The following EVA1A variants were observed in gnomAD, a reference collection of about 807,000 sequenced individuals.
EVA1A encodes protein eva-1 homolog A.
A neutral mutation model predicts 9.8 loss-of-function variants in EVA1A; 7 were observed. The observed-to-expected ratio is 0.71, with a 90% CI of 0.41 to 1.34. The LOEUF is 1.34. EVA1A is among the 40% of genes most tolerant of loss of function. The pLI, the probability that EVA1A is intolerant of heterozygous loss-of-function variation, is 0.01. For synonymous variants in EVA1A, 90 were observed against 85.6 expected, an observed-to-expected ratio of 1.05 and a Z score of -0.28; for missense variants, 206 against 205.9, an observed-to-expected ratio of 1.00 and a Z score of 0.00.
At chr2:75,523,579 G>T (rs544340738) in intron 1 of EVA1A, among the ~76,000 whole-genome samples, 1 of 152,184 alleles carries the variant, frequency 6.6e-6, no homozygotes, top group African/African-American at 2.4e-5. Context: ...TAACATGCCA[G>T]CCTGCCAGCC....
At chr2:75,567,151 A>G (rs1677044571) in intron 1 of EVA1A, among the ~76,000 whole-genome samples, 1 of 152,220 alleles carries the variant, frequency 6.6e-6, no homozygotes, top group Admixed American at 6.5e-5. Flanking sequence ...CAATAAGATA[A>G]ATATTTTTAA....
chr2:75,493,311 C>G lies in EVA1A; in HGVS notation c.384G>C (p.Glu128Asp). The part of the protein sequence containing the change: ...LERAQRLEER[E>D]RIIREIWMNG... ...TCATCCAGATCTCCCTGATGATGCGCTCGCGCTCCTCCAGCCGCTGGGCGC... is the reference window on the plus strand; with the variant it reads ...TCATCCAGATCTCCCTGATGATGCGGTCGCGCTCCTCCAGCCGCTGGGCGC... The change falls in exon 4 of 4, where the codon GAG (glutamate) becomes GAC (aspartate). Residue 128 changes from glutamate (E) to aspartate (D), a missense_variant. Glu to Asp is a conservative substitution (Grantham distance 45). Coordinates refer to ENST00000393913, the MANE Select transcript of EVA1A (RefSeq NM_001135032.2). 1 of 1,614,094 alleles carries G rather than the reference C, an allele frequency of 6.2e-7. No homozygotes were observed. The highest frequency in any genetic ancestry group is 8.5e-7 in the Non-Finnish European group (1 of 1,179,976).
At chr2:75,493,717 G>A in intron 3 of EVA1A, 108 bp from the exon 4 acceptor site, 1 of 1,032,940 alleles carries the variant, frequency 9.7e-7, no homozygotes, top group Non-Finnish European at 1.4e-6. Context: ...AAGTTTTGAT[G>A]GTTACAAATA....
chr2:75,560,404 G>A (rs1002193116), intron 1 of EVA1A, among the ~76,000 whole-genome samples: 1 of 152,158 alleles, frequency 6.6e-6, no homozygotes, highest in Non-Finnish European at 1.5e-5. Context: ...CAGAGGCAGG[G>A]AGTTGAGAGT....
chr2:75,526,070 G>T (rs1251093408), intron 1 of EVA1A: 2 of 152,148 alleles, frequency 1.3e-5, no homozygotes, highest in African/African-American at 4.8e-5. Context: ...CAGCTACTAA[G>T]GAATTGAGAA....
chr2:75,559,697 T>TGGGGGGGGGGGGGGGGGGGG (rs36059976), intron 1 of EVA1A, among the ~76,000 whole-genome samples: 1 of 78,776 alleles, frequency 1.3e-5, no homozygotes, highest in Non-Finnish European at 2.3e-5. Flanking sequence ...AGAAAGGAGG[T>TGGGGGGGGGGGGGGGGGGGG]GGGGGGGGGG....
chr2:75,539,743 T>A (rs187191132), intron 1 of EVA1A, among the ~76,000 whole-genome samples: 7 of 152,276 alleles, frequency 4.6e-5, no homozygotes, highest in East Asian at 1.9e-4. Flanking sequence ...AATTAAAAAA[T>A]TTTTAAAAAT....
intron 1 of EVA1A, among the ~76,000 whole-genome samples, chr2:75,536,817 C>T (rs1464732299): frequency 6.6e-6 from 1 of 152,116 alleles, no homozygotes; most frequent in East Asian, 1.9e-4. Context: ...TTTTAACCCC[C>T]CCGCTCCAAA....
At chr2:75,538,320 A>T (rs1675991666) in intron 1 of EVA1A, among the ~76,000 whole-genome samples, 1 of 152,184 alleles carries the variant, frequency 6.6e-6, no homozygotes, top group African/African-American at 2.4e-5. Context: ...AAATAAAATA[A>T]AACTAGTGAG....
At chr2:75,539,873 G>A (rs1030148957) in intron 1 of EVA1A, among the ~76,000 whole-genome samples, 1 of 152,178 alleles carries the variant, frequency 6.6e-6, no homozygotes, top group African/African-American at 2.4e-5. Context: ...GGTAATTGAA[G>A]GCATAAAGGT....
At chr2:75,497,462 C>T (rs1418752278) in intron 3 of EVA1A, among the ~76,000 whole-genome samples, 1 of 152,048 alleles carries the variant, frequency 6.6e-6, no homozygotes, top group Non-Finnish European at 1.5e-5. Flanking sequence ...AAATCATGAT[C>T]AAAATCAAAA....
At chr2:75,513,959 T>A (rs1339264505) in intron 3 of EVA1A, among the ~76,000 whole-genome samples, 1 of 152,154 alleles carries the variant, frequency 6.6e-6, no homozygotes, top group Non-Finnish European at 1.5e-5. Flanking sequence ...CCACACAAAA[T>A]TGTTTGGATT....
At chr2:75,520,831 TA>T (rs202046295) in intron 2 of EVA1A, among the ~76,000 whole-genome samples, 8 of 148,918 alleles carry the variant, frequency 5.4e-5, no homozygotes, top group African/African-American at 1.2e-4. Context: ...GCAACAAAAG[TA>T]AAAAAAAAGA....
At chr2:75,496,451 A>T (rs1246316586) in intron 3 of EVA1A, among the ~76,000 whole-genome samples, 1 of 152,196 alleles carries the variant, frequency 6.6e-6, no homozygotes. Flanking sequence ...AAAATAATAA[A>T]ATACCTAAAA....
chr2:75,519,370 G>A (rs1453344398), intron 2 of EVA1A, among the ~76,000 whole-genome samples: 1 of 152,206 alleles, frequency 6.6e-6, no homozygotes, highest in Non-Finnish European at 1.5e-5. Flanking sequence ...TAGAAGGCCT[G>A]GAGAGCGGCA....
chr2:75,566,886 A>G (rs1244242051), intron 1 of EVA1A, among the ~76,000 whole-genome samples: 1 of 152,090 alleles, frequency 6.6e-6, no homozygotes, highest in Non-Finnish European at 1.5e-5. Context: ...TCTCATGCCC[A>G]GGCTGACACC....
chr2:75,551,827 A>G (rs1429339425), intron 1 of EVA1A, among the ~76,000 whole-genome samples: 1 of 152,134 alleles, frequency 6.6e-6, no homozygotes, highest in African/African-American at 2.4e-5. Flanking sequence ...TCCTCTTCCC[A>G]TACTCCATAA....
intron 3 of EVA1A, among the ~76,000 whole-genome samples, chr2:75,510,297 T>C (rs980985351): frequency 3.3e-5 from 5 of 152,192 alleles, no homozygotes; most frequent in African/African-American, 1.2e-4. Flanking sequence ...ACAAATTATA[T>C]ATATTAATAC....
In EVA1A at chr2:75,501,956, C is replaced by T. The variant is rs73938919; in HGVS notation, c.86-8347G>A. 6.5e-3 allele frequency among the ~76,000 whole-genome samples: 996 copies of T among 152,254 alleles called. 7 individuals carry two copies. The highest frequency in any genetic ancestry group is 0.023 in the African/African-American group (944 of 41,550). On this transcript the variant is annotated intron_variant, in intron 3 of 3. Coordinates refer to ENST00000393913, the MANE Select transcript of EVA1A (RefSeq NM_001135032.2). ...CCAATACTGCATCTTCCCTCAGTCC[C>T]CTCAACCCAAGGAAGACAATTCCCC... is the stretch of plus-strand genomic sequence containing the variant.
Sources: allele counts gnomAD v4.1 joint callset (sites outside exome capture counted in the v4.1 genomes callset), GRCh38; gene constraint gnomAD v4.1.1; transcripts MANE v1.5; gene names NCBI Gene and HGNC (gene_info 2026-07-23, HGNC 2026-07-21).